The following KCNA6 variants were observed in gnomAD, a reference collection of about 807,000 sequenced individuals.
The protein encoded by KCNA6 is human brain potassium channel-2.
KCNA6 carries 17 observed loss-of-function variants against 29.5 expected under a neutral mutation model. The ratio of observed to expected loss-of-function variants is 0.58; its 90% CI spans 0.39 to 0.86. KCNA6 has a LOEUF of 0.86. KCNA6 is among the 40% of genes least tolerant of loss of function. KCNA6 has a pLI of 0.00. For missense variants in KCNA6, 450 were observed against 703.4 expected (o/e 0.64, Z 4.07); for synonymous variants, 296 against 304.7 (o/e 0.97, Z 0.30).
the KCNA6 span, among the ~76,000 whole-genome samples, chr12:4,846,765 CTTTTTTTTTTTT>C: frequency 3.0e-5 from 3 of 100,674 alleles, no homozygotes; most frequent in South Asian, 3.6e-4. Context: ...TGGAACACCT[CTTTTTTTTTTTT>C]TTTTTTTTTT....
the KCNA6 span, among the ~76,000 whole-genome samples, chr12:4,838,659 A>G: frequency 1.3e-4 from 20 of 152,354 alleles, 1 homozygote; most frequent in East Asian, 3.7e-3. Flanking sequence ...GGAGGCTTCA[A>G]TAACAGAGAC....
In KCNA6 at chr12:4,810,095, G is replaced by C. The variant is rs111976727; in HGVS notation, c.54G>C (p.Pro18=). ...CGGCGCCGGGGGAGGTCCGTGGGCC[G>C]GAGGGAGAGCAACAGGATGCGGGAG... The change falls in exon 1 of 1, where the codon CCG becomes CCC. Residue 18 remains proline (P), a synonymous_variant. Coordinates refer to ENST00000280684, the Ensembl canonical transcript of KCNA6. This position sits in a 1 kb window ranked among gnomAD's most constrained non-coding sequence, Gnocchi z 7.5. The C allele has an allele frequency of 1.3e-4, 200 of 1,568,658 alleles. 1 individual carries two copies. The African/African-American group carries it at 2.1e-3, about 17-fold the overall frequency.
chr12:4,839,761 A>G, the KCNA6 span, among the ~76,000 whole-genome samples: 2 of 152,240 alleles, frequency 1.3e-5, no homozygotes, highest in East Asian at 3.8e-4. Context: ...AGTCATAGCT[A>G]GCAGTTACAG....
chr12:4,850,279 G>C, the KCNA6 span, among the ~76,000 whole-genome samples: 6 of 140,546 alleles, frequency 4.3e-5, no homozygotes, highest in Admixed American at 3.8e-4. The surrounding 1 kb of genome is among the most constrained non-coding windows in gnomAD (Gnocchi z 5.4). Flanking sequence ...CCTGACGCTG[G>C]TGCAGGCTGA....
At chr12:4,837,776 T>C in the KCNA6 span, among the ~76,000 whole-genome samples, 3 of 151,946 alleles carry the variant, frequency 2.0e-5, no homozygotes, top group Admixed American at 1.3e-4. Context: ...TTATTGCCTG[T>C]GTGGGTACAG....
At chr12:4,824,807 A>C in the KCNA6 span, among the ~76,000 whole-genome samples, 1 of 152,234 alleles carries the variant, frequency 6.6e-6, no homozygotes, top group Non-Finnish European at 1.5e-5. Flanking sequence ...ATCTGTGGAA[A>C]ACAGACTCAA....
chr12:4,835,468 C>CT, the KCNA6 span, among the ~76,000 whole-genome samples: 2 of 151,878 alleles, frequency 1.3e-5, no homozygotes, highest in Non-Finnish European at 2.9e-5. Context: ...TTTTTCTTTC[C>CT]TTTTTTTTCC....
the KCNA6 span, among the ~76,000 whole-genome samples, chr12:4,842,017 GT>G: frequency 1.9e-5 from 1 of 51,568 alleles, no homozygotes; most frequent in Non-Finnish European, 5.3e-5. Flanking sequence ...GCTTACGTGT[GT>G]GTGTGTGTGT....
At chr12:4,844,506 T>G in the KCNA6 span, among the ~76,000 whole-genome samples, 1 of 152,128 alleles carries the variant, frequency 6.6e-6, no homozygotes, top group African/African-American at 2.4e-5. This position sits in a 1 kb window ranked among gnomAD's most constrained non-coding sequence, Gnocchi z 4.0. Flanking sequence ...GGGAAGGACA[T>G]GCTAAGCAAC....
rs1433065636 is a variant in KCNA6 at position 4,811,537 on chromosome 12, C to T, written c.1496C>T (p.Pro499Leu). 1 of 1,614,236 alleles carries T rather than the reference C, an allele frequency of 6.2e-7. No individual in the cohort carries two copies. The highest frequency in any genetic ancestry group is 8.5e-7 in the Non-Finnish European group (1 of 1,180,046). ...GCAACTGACAACGGACTTGGCAAGC[C>T]TGACTTCCCCGAGGCTAACCGGGAA... The change falls in exon 1 of 1, where the codon CCT becomes CTT. Residue 499 changes from proline to leucine, a missense_variant. Pro to Leu is a moderately conservative substitution (Grantham distance 98). Coordinates refer to ENST00000280684, the Ensembl canonical transcript of KCNA6. The surrounding 1 kb of genome is among the most constrained non-coding windows in gnomAD (Gnocchi z 7.1).
At chr12:4,827,536 G>C in the KCNA6 span, among the ~76,000 whole-genome samples, 45 of 152,292 alleles carry the variant, frequency 3.0e-4, no homozygotes, top group African/African-American at 1.1e-3. Context: ...GAAGAAGTCT[G>C]TAGAAAGGAC....
chr12:4,820,546 A>AACAC, the KCNA6 span, among the ~76,000 whole-genome samples: 11,916 of 134,638 alleles, frequency 0.089, 588 homozygotes, highest in East Asian at 0.15. Context: ...GGATTACCTA[A>AACAC]ACACACACAC....
chr12:4,820,546 A>AACACAC, the KCNA6 span, among the ~76,000 whole-genome samples: 16,036 of 134,570 alleles, frequency 0.12, 1,103 homozygotes, highest in Middle Eastern at 0.18. Flanking sequence ...GGATTACCTA[A>AACACAC]ACACACACAC....
At chr12:4,809,611 G>T (rs1330806985) in exon 1 of KCNA6, 2 of 162,548 alleles carry the variant, frequency 1.2e-5, no homozygotes, top group Non-Finnish European at 2.7e-5. Flanking sequence ...GCGGCAGCCG[G>T]GGGTCCGGAG....
chr12:4,813,305 A>G (rs1288199765), exon 1 of KCNA6: 1 of 166,936 alleles, frequency 6.0e-6, no homozygotes, highest in East Asian at 1.9e-4. Context: ...CCCACCCATT[A>G]AATGGGAACA....
chr12:4,832,402 G>A, the KCNA6 span, among the ~76,000 whole-genome samples: 24 of 152,330 alleles, frequency 1.6e-4, no homozygotes, highest in Non-Finnish European at 2.6e-4. Flanking sequence ...GTGCAGGGAC[G>A]CACAGGTAGA....
At chr12:4,841,450 A>T in the KCNA6 span, among the ~76,000 whole-genome samples, 1 of 152,216 alleles carries the variant, frequency 6.6e-6, no homozygotes, top group African/African-American at 2.4e-5. Flanking sequence ...AACTTAATAG[A>T]CTTGAGGCAA....
At chr12:4,825,200 C>A in the KCNA6 span, among the ~76,000 whole-genome samples, 26 of 151,740 alleles carry the variant, frequency 1.7e-4, no homozygotes, top group South Asian at 5.5e-3. Context: ...GACCATGTTA[C>A]CTAGAATAAC....
At chr12:4,812,337 A>G (rs1271342045) in exon 1 of KCNA6, 1 of 167,254 alleles carries the variant, frequency 6.0e-6, no homozygotes, top group Non-Finnish European at 1.5e-5. Flanking sequence ...TGTTCGGTCT[A>G]CATTTAGTTC....
Sources: allele counts gnomAD v4.1 joint callset (sites outside exome capture counted in the v4.1 genomes callset), GRCh38; gene constraint gnomAD v4.1.1; non-coding constraint Gnocchi (gnomAD v3.1); transcripts MANE v1.5; gene names NCBI Gene and HGNC (gene_info 2026-07-23, HGNC 2026-07-21).